The following LPP variants were observed in gnomAD, a reference collection of about 807,000 sequenced individuals.
LPP encodes the protein LIM domain containing preferred translocation partner in lipoma.
In LPP, 38 loss-of-function variants were observed where a neutral mutation model predicts 60.4. That is an observed-to-expected ratio of 0.63 (90% CI 0.49 to 0.83). The LOEUF is 0.83. Among genes scored for constraint, LPP ranks in the 40% least tolerant of loss-of-function variants. The pLI is 0.00. For synonymous variants in LPP, 328 were observed against 290.8 expected (o/e 1.13, Z -1.30); for missense variants, 902 against 783.6 (o/e 1.15, Z -1.80).
At position 188,219,936 on chromosome 3, in the gene LPP, C is replaced by T. The variant is rs1044520996; in HGVS notation, c.-189-5469C>T. 4.6e-5 allele frequency among the ~76,000 whole-genome samples: 7 copies of T among 152,214 alleles called. No homozygotes were observed. In the East Asian group the frequency reaches 7.7e-4, roughly 17 times the overall value. ...TTGGGAAGGGAATAATCCTTGATCA[C>T]CACCTGCTCTCCCATCCATTAGAAG... On this transcript the variant is annotated intron_variant, in intron 1 of 11. Coordinates refer to ENST00000617246, the MANE Select transcript of LPP (RefSeq NM_001375462.1).
intron 7 of LPP, among the ~76,000 whole-genome samples, chr3:188,703,654 C>T (rs1342926538): frequency 6.6e-6 from 1 of 152,054 alleles, no homozygotes; most frequent in Non-Finnish European, 1.5e-5. Context: ...AAACAGGAAT[C>T]CATAATTAGC....
chr3:188,503,418 A>G (rs1812503639), intron 5 of LPP, among the ~76,000 whole-genome samples: 1 of 152,178 alleles, frequency 6.6e-6, no homozygotes, highest in African/African-American at 2.4e-5. Context: ...TTAAAAAAAT[A>G]TTAGTTTCTT....
intron 10 of LPP, among the ~76,000 whole-genome samples, chr3:188,867,935 A>T (rs1439454188): frequency 6.6e-6 from 1 of 152,228 alleles, no homozygotes; most frequent in African/African-American, 2.4e-5. Context: ...TGAATGTCCT[A>T]ACCACTTTCC....
chr3:188,650,059 T>C (rs1414106320), intron 7 of LPP, among the ~76,000 whole-genome samples: 1 of 152,238 alleles, frequency 6.6e-6, no homozygotes, highest in African/African-American at 2.4e-5. Context: ...TTAGGATAGA[T>C]TTCTCACTTG....
At chr3:188,817,302 T>A (rs1752728209) in intron 9 of LPP, among the ~76,000 whole-genome samples, 1 of 152,200 alleles carries the variant, frequency 6.6e-6, no homozygotes, top group South Asian at 2.1e-4. Flanking sequence ...TCACAGAGCC[T>A]TATCAAAGTT....
At chr3:188,664,417 A>G (rs1028505430) in intron 7 of LPP, among the ~76,000 whole-genome samples, 1 of 152,210 alleles carries the variant, frequency 6.6e-6, no homozygotes, top group African/African-American at 2.4e-5. Context: ...AAGTTCACCT[A>G]TTTCTTTGAC....
intron 2 of LPP, among the ~76,000 whole-genome samples, chr3:188,318,746 TATGA>T (rs1755908727): frequency 6.8e-6 from 1 of 145,994 alleles, no homozygotes; most frequent in African/African-American, 2.5e-5. Context: ...GAAAAAAAAT[TATGA>T]TTCTTTTTTT....
intron 1 of LPP, among the ~76,000 whole-genome samples, chr3:188,220,349 C>G (rs1264421086): frequency 6.6e-6 from 1 of 152,112 alleles, no homozygotes; most frequent in African/African-American, 2.4e-5. Flanking sequence ...GGCACTTGTC[C>G]TCCCTTACTT....
intron 5 of LPP, among the ~76,000 whole-genome samples, chr3:188,488,374 G>A (rs1807242320): frequency 7.0e-6 from 1 of 142,638 alleles, no homozygotes; most frequent in Admixed American, 7.4e-5. Context: ...ATTTTCATGT[G>A]GGAAGATGCA....
chr3:188,721,723 CT>C (rs992674763), intron 8 of LPP, among the ~76,000 whole-genome samples: 1 of 152,000 alleles, frequency 6.6e-6, no homozygotes, highest in African/African-American at 2.4e-5. Context: ...ATAATTTTTT[CT>C]TTTTTCTTTT....
chr3:188,767,510 T>C (rs1247244512), intron 9 of LPP, among the ~76,000 whole-genome samples: 1 of 152,188 alleles, frequency 6.6e-6, no homozygotes, highest in Non-Finnish European at 1.5e-5. Context: ...ATATGATTGA[T>C]AACGTTAATT....
intron 2 of LPP, among the ~76,000 whole-genome samples, chr3:188,280,525 C>T (rs531266835): frequency 1.8e-4 from 28 of 152,146 alleles, no homozygotes; most frequent in East Asian, 1.4e-3. Context: ...AGTGAGGAGA[C>T]GAGGAAATAG....
At chr3:188,388,517 A>T (rs192890390) in intron 3 of LPP, among the ~76,000 whole-genome samples, 150 of 152,318 alleles carry the variant, frequency 9.8e-4, no homozygotes, top group Non-Finnish European at 1.7e-3. Context: ...GGGAGGTCAA[A>T]GCAGTAACAG....
chr3:188,824,725 C>A (rs1754921605), intron 9 of LPP, among the ~76,000 whole-genome samples: 1 of 152,162 alleles, frequency 6.6e-6, no homozygotes, highest in Non-Finnish European at 1.5e-5. Flanking sequence ...GATGTGAGAT[C>A]AGCAGACTTG....
At chr3:188,753,797 A>G (rs534898050) in intron 8 of LPP, among the ~76,000 whole-genome samples, 1 of 151,798 alleles carries the variant, frequency 6.6e-6, no homozygotes, top group African/African-American at 2.4e-5. Context: ...GTGTATATGT[A>G]TTTGTAGAGG....
intron 9 of LPP, among the ~76,000 whole-genome samples, chr3:188,859,464 C>G (rs1764657127): frequency 6.6e-6 from 1 of 152,162 alleles, no homozygotes; most frequent in Non-Finnish European, 1.5e-5. Flanking sequence ...ATTTGTCATG[C>G]CCTTTGCCTC....
At chr3:188,157,937 T>C (rs2148666124) in intron 1 of LPP, among the ~76,000 whole-genome samples, 1 of 152,262 alleles carries the variant, frequency 6.6e-6, no homozygotes, top group African/African-American at 2.4e-5. Context: ...CCAGGCTGTG[T>C]TTTGAAAGGC....
At chr3:188,697,059 G>A (rs887246319) in intron 7 of LPP, among the ~76,000 whole-genome samples, 1 of 152,100 alleles carries the variant, frequency 6.6e-6, no homozygotes, top group African/African-American at 2.4e-5. Flanking sequence ...CACTGGTCAA[G>A]CAAAAAAACA....
chr3:188,296,742 GC>G (rs1446298613), intron 2 of LPP, among the ~76,000 whole-genome samples: 8 of 152,162 alleles, frequency 5.3e-5, no homozygotes, highest in African/African-American at 1.9e-4. Context: ...GATAGCTCCT[GC>G]ACTCAATAAC....
Sources: gnomAD v4.1 joint callset for allele counts (sites outside exome capture counted in the v4.1 genomes callset) on GRCh38, gnomAD v4.1.1 for gene constraint, MANE v1.5 for transcripts, NCBI Gene and HGNC (gene_info 2026-07-23, HGNC 2026-07-21) for gene names.